Variants in TLN2 observed in about 807,000 individuals in gnomAD.
TLN2 encodes the protein talin-2.
A neutral mutation model predicts 294.7 loss-of-function variants in TLN2; 118 were observed. The ratio of observed to expected loss-of-function variants is 0.40; its 90% confidence interval spans 0.34 to 0.47. The LOEUF is 0.47. Ranked by LOEUF, TLN2 falls within the 20% of genes least tolerant of loss-of-function variation. The pLI is 0.84. For missense variants in TLN2, 3,083 were observed against 3,282.2 expected (o/e 0.94, Z 1.48); for synonymous variants, 1,431 against 1,304.5 (o/e 1.10, Z -2.09).
In TLN2 at chr15:62,783,884, A is replaced by G; in HGVS notation, c.5730A>G (p.Pro1910=). The G allele has an allele frequency of 1.2e-6, 2 of 1,614,020 alleles. No individual in the cohort carries two copies. The highest frequency in any genetic ancestry group is 4.5e-5 in the East Asian group (2 of 44,876). The part of the protein sequence containing the change: ...QGQMAAATAE[P]EEIGFQIRTR... Reference sequence around the variant, plus strand: ...AGATGGCAGCAGCCACGGCGGAACCAGAGGAGGTCTGCCACCTTAAGACCC... The same window carrying G: ...AGATGGCAGCAGCCACGGCGGAACCGGAGGAGGTCTGCCACCTTAAGACCC... Residue 1910 remains proline (P), a synonymous_variant, in exon 45 of 59, where the codon CCA becomes CCG. Coordinates refer to ENST00000636159, the MANE Select transcript of TLN2 (RefSeq NM_015059.3).
intron 46 of TLN2, among the ~76,000 whole-genome samples, chr15:62,795,697 A>C (rs1289930533): frequency 6.6e-6 from 1 of 152,182 alleles, no homozygotes; most frequent in Non-Finnish European, 1.5e-5. Flanking sequence ...AAGGGGATGT[A>C]ATCGCCACAC....
intron 28 of TLN2, 110 bp from the exon 29 acceptor site, chr15:62,736,768 A>T: frequency 3.4e-6 from 4 of 1,173,016 alleles, no homozygotes; most frequent in Non-Finnish European, 4.8e-6. Flanking sequence ...TATGAAGACT[A>T]ATCTGCAGCT....
At position 62,800,503 on chromosome 15, in the gene TLN2, G is replaced by A; in HGVS notation, c.6360+10G>A. 1 of 1,613,584 alleles carries A rather than the reference G, an allele frequency of 6.2e-7. No homozygotes were observed. The highest frequency in any genetic ancestry group is 8.5e-7 in the Non-Finnish European group (1 of 1,179,810). Reference sequence around the variant, plus strand: ...CAAGGGGGCTGCCAAGGTAGAGTGGGGCTCCGACTGGGGATGAGCACCTGA... The same window carrying A: ...CAAGGGGGCTGCCAAGGTAGAGTGGAGCTCCGACTGGGGATGAGCACCTGA... On this transcript the variant is annotated intron_variant, in intron 49 of 58. Transcript: ENST00000636159.
intron 1 of TLN2, among the ~76,000 whole-genome samples, chr15:62,549,005 T>C (rs900101523): frequency 1.3e-5 from 2 of 152,242 alleles, no homozygotes; most frequent in African/African-American, 4.8e-5. Flanking sequence ...GCCACTGGTC[T>C]TAACTATATC....
rs2052421228 is a variant in TLN2, at chr15:62,650,177, A to G, written c.230A>G (p.Asn77Ser). Residue 77 changes from asparagine to serine, a missense_variant, in exon 5 of 59, where the codon AAT becomes AGT. Asn to Ser is a conservative substitution (Grantham distance 46). Transcript: ENST00000636159. ...ACACTGGATTACTACATGTTGCGGA[A>G]TGGGGTATGCTGCCAATCCCAGTGC... ...GRTLDYYMLR[N>S]GDILEYKKKQ... 1 of 1,614,006 alleles carries G rather than the reference A, an allele frequency of 6.2e-7. No individual in the cohort carries two copies. The highest frequency in any genetic ancestry group is 8.5e-7 in the Non-Finnish European group (1 of 1,179,982).
Position 62,763,693 on chromosome 15 carries a change from G to C in TLN2, c.5092G>C (p.Glu1698Gln). 6.2e-7 allele frequency: 1 copy of C among 1,602,982 alleles called. No individual in the cohort carries two copies. Among genetic ancestry groups the C allele is most frequent in the Non-Finnish European group, 8.5e-7 (1 of 1,173,820 alleles). ...SLATRDDISVEALQEQLTSVV... is the reference protein window; with the variant it reads ...SLATRDDISVQALQEQLTSVV... ...GGCCACGAGGGACGACATCTCTGTG[G>C]AGGTAAGCTGGGAATCTGGGGGCCT... The change falls in exon 40 of 59, where the codon GAG (glutamate) becomes CAG (glutamine). Residue 1698 changes from glutamate to glutamine, a missense_variant and splice_region_variant. Physicochemically the swap from Glu to Gln is conservative, Grantham distance 29 (BLOSUM62 2). Coordinates refer to ENST00000636159, the MANE Select transcript of TLN2 (RefSeq NM_015059.3).
At chr15:62,694,629 C>T (rs767133739) in intron 14 of TLN2, among the ~76,000 whole-genome samples, 2 of 152,164 alleles carry the variant, frequency 1.3e-5, no homozygotes, top group African/African-American at 2.4e-5. Flanking sequence ...ATTTTAACTG[C>T]GTCTTTTGAG....
Position 62,428,689 on chromosome 15 carries a change from C to T in TLN2, c.-238+38004C>T, listed in dbSNP as rs371106820. On this transcript the variant is annotated intron_variant, in intron 1 of 58. Coordinates refer to ENST00000636159, the MANE Select transcript of TLN2 (RefSeq NM_015059.3). ...GGAAAAGCTCTTTTTATGAGAGTTA[C>T]CTGTGCTTATTTCTCTAAAGAGATG... Among the ~76,000 whole-genome samples the T allele has an allele frequency of 1.6e-4, 24 of 152,246 alleles. No homozygotes were observed. The South Asian group carries it at 5.0e-3, about 32-fold the overall frequency.
At chr15:62,624,536 C>T (rs1057056666) in intron 3 of TLN2, among the ~76,000 whole-genome samples, 3 of 152,182 alleles carry the variant, frequency 2.0e-5, no homozygotes, top group African/African-American at 7.2e-5. Flanking sequence ...CATTGAAAGG[C>T]ATAAGATTTT....
intron 50 of TLN2, among the ~76,000 whole-genome samples, chr15:62,801,867 A>G (rs2065948221): frequency 6.6e-6 from 1 of 152,232 alleles, no homozygotes; most frequent in South Asian, 2.1e-4. Context: ...TAGGAGTTAC[A>G]TGAAATATTT....
chr15:62,571,267 T>C (rs889671240), intron 1 of TLN2, among the ~76,000 whole-genome samples: 4 of 152,188 alleles, frequency 2.6e-5, no homozygotes, highest in Non-Finnish European at 5.9e-5. Context: ...CTATTGCCCA[T>C]CACTCCTGCG....
chr15:62,761,045 C>T (rs1381751549), intron 37 of TLN2, among the ~76,000 whole-genome samples: 2 of 152,054 alleles, frequency 1.3e-5, no homozygotes, highest in Non-Finnish European at 2.9e-5. Context: ...CAGGAGGCAC[C>T]CATTTGTGGG....
intron 45 of TLN2, among the ~76,000 whole-genome samples, chr15:62,788,542 A>C (rs2064857496): frequency 6.6e-6 from 1 of 152,176 alleles, no homozygotes; most frequent in African/African-American, 2.4e-5. Context: ...CTGCAGTGAG[A>C]TAACAATCTT....
chr15:62,815,927 G>A (rs778532698), intron 52 of TLN2, among the ~76,000 whole-genome samples: 2 of 152,060 alleles, frequency 1.3e-5, no homozygotes, highest in Non-Finnish European at 2.9e-5. Context: ...CATGATTTCA[G>A]CATTCTTCAT....
intron 1 of TLN2, among the ~76,000 whole-genome samples, chr15:62,446,200 G>A (rs112633450): frequency 6.6e-6 from 1 of 151,580 alleles, no homozygotes; most frequent in African/African-American, 2.4e-5. Context: ...GGGTTTCACC[G>A]TGTTAGCCAG....
intron 1 of TLN2, among the ~76,000 whole-genome samples, chr15:62,528,917 G>C (rs1003071408): frequency 6.6e-6 from 1 of 152,054 alleles, no homozygotes; most frequent in Non-Finnish European, 1.5e-5. Flanking sequence ...ATTTGGTTTT[G>C]TTGTCTTGTT....
chr15:62,755,479 A>T, intron 36 of TLN2, 53 bp from the exon 37 acceptor site: 1 of 1,579,626 alleles, frequency 6.3e-7, no homozygotes, highest in Non-Finnish European at 8.6e-7. Flanking sequence ...ACCGGGGTGG[A>T]CCCCTCTGCA....
chr15:62,523,865 T>TG (rs1481957797), intron 1 of TLN2, among the ~76,000 whole-genome samples: 1 of 152,232 alleles, frequency 6.6e-6, no homozygotes, highest in Non-Finnish European at 1.5e-5. Flanking sequence ...AATTGCACAG[T>TG]GCTGTATGAA....
chr15:62,744,298 A>T (rs1357478602), intron 32 of TLN2, among the ~76,000 whole-genome samples: 2 of 151,108 alleles, frequency 1.3e-5, no homozygotes, highest in Admixed American at 1.3e-4. Context: ...GCTTTCTTTC[A>T]TCCAACTTCT....
Sources: allele counts gnomAD v4.1 joint callset (sites outside exome capture counted in the v4.1 genomes callset), GRCh38; gene constraint gnomAD v4.1.1; transcripts MANE v1.5; gene names NCBI Gene and HGNC (gene_info 2026-07-23, HGNC 2026-07-21).